Variants in HECTD4 observed in about 807,000 individuals in gnomAD.
HECTD4 encodes HECT domain E3 ubiquitin protein ligase 4, also known as probable E3 ubiquitin-protein ligase HECTD4.
Under a neutral mutation model 471.5 loss-of-function variants are expected in HECTD4, and 114 were observed. The observed-to-expected ratio is 0.24, with a 90% CI of 0.21 to 0.28. The LOEUF (loss-of-function observed/expected upper bound fraction) is 0.28, where lower values mean the gene tolerates loss of function less well. HECTD4 is among the 10% of genes least tolerant of loss of function. HECTD4 has a pLI of 1.00. For synonymous variants in HECTD4, 2,012 were observed against 2,256.0 expected, an observed-to-expected ratio of 0.89 and a Z score of 3.07; for missense variants, 3,866 against 5,651.5, an observed-to-expected ratio of 0.68 and a Z score of 10.13.
chr12:112,295,212 T>C (rs2034981400), intron 7 of HECTD4, among the ~76,000 whole-genome samples: 1 of 151,100 alleles, frequency 6.6e-6, no homozygotes, highest in African/African-American at 2.4e-5. Context: ...AGACGGTCAA[T>C]AAATAAGCAA....
rs1459312842 is a variant in HECTD4, at chr12:112,162,312, C to T, written c.*75G>A. The T allele has an allele frequency of 1.7e-5, 26 of 1,571,388 alleles. No homozygotes were observed. The highest frequency in any genetic ancestry group is 5.0e-5 in the Admixed American group (3 of 59,554). Reference sequence around the variant, plus strand: ...CTCCTCACGCAGGGCCCTGGAGGGACGGGCCGCAGTGGTGGCTTCCCAAGC... The same window carrying T: ...CTCCTCACGCAGGGCCCTGGAGGGATGGGCCGCAGTGGTGGCTTCCCAAGC... On this transcript the variant is annotated 3_prime_UTR_variant, in exon 76 of 76. Coordinates refer to ENST00000682272, the MANE Select transcript of HECTD4 (RefSeq NM_001388303.1). This position sits in a 1 kb window ranked among gnomAD's most constrained non-coding sequence, Gnocchi z 5.2.
chr12:112,322,376 AG>A (rs2035603344), intron 1 of HECTD4: 1 of 152,622 alleles, frequency 6.6e-6, no homozygotes, highest in Admixed American at 6.5e-5. Context: ...GTCTCAAAAA[AG>A]AAAAAAAAAA....
intron 65 of HECTD4, 50 bp downstream of exon 65, chr12:112,176,546 C>T (rs1369726780): frequency 7.5e-7 from 1 of 1,327,506 alleles, no homozygotes; most frequent in African/African-American, 1.4e-5. Flanking sequence ...GCCTAGTCTC[C>T]AGGATGGAAG....
rs2030726241 is a variant in HECTD4, at chr12:112,162,454, G to C, written c.13190C>G (p.Ser4397Cys). The C allele has an allele frequency of 1.8e-5, 29 of 1,613,928 alleles. No homozygotes were observed. The highest frequency in any genetic ancestry group is 2.3e-5 in the Non-Finnish European group (27 of 1,179,896). The change falls in exon 76 of 76, where the codon TCT becomes TGT. Residue 4397 changes from serine (S) to cysteine (C), a missense_variant. By Grantham distance (112) the Ser-to-Cys change is moderately radical. This residue lies in a region of HECTD4 where 715 missense variants were observed against 1,087.6 expected (regional missense o/e 0.66). Coordinates refer to ENST00000682272, the MANE Select transcript of HECTD4 (RefSeq NM_001388303.1). The surrounding 1 kb of genome is among the most constrained non-coding windows in gnomAD (Gnocchi z 5.2). ...AAGTTTCTCCAGCATGATTTCCAGA[G>C]AGGAGTACTGGGGAAGCTTGATCAT... ...MFMIKLPQYSSLEIMLEKLRC... is the reference protein window; with the variant it reads ...MFMIKLPQYSCLEIMLEKLRC...
At chr12:112,317,807 C>T (rs375881164) in intron 2 of HECTD4, among the ~76,000 whole-genome samples, 5 of 151,872 alleles carry the variant, frequency 3.3e-5, no homozygotes, top group Non-Finnish European at 7.4e-5. Context: ...GGGGAAACCC[C>T]GTCTCTACCA....
In HECTD4 at chr12:112,185,008, C is replaced by T; in HGVS notation, c.9958G>A (p.Glu3320Lys). The T allele has an allele frequency of 6.2e-7, 1 of 1,607,938 alleles. No individual in the cohort carries two copies. The highest frequency in any genetic ancestry group is 8.5e-7 in the Non-Finnish European group (1 of 1,177,252). ...SKRKKVKMKR[E>K]KASSSGKRQS... ...CGCTTGCCCGACGAGGAGGCCTTTT[C>T]CCGCTTCATCTTGACTTTTTTCCTC... Residue 3320 changes from glutamate (E) to lysine (K), a missense_variant, in exon 61 of 76, where the codon GAA (glutamate) becomes AAA (lysine). By Grantham distance (56) the Glu-to-Lys change is moderately conservative. Around this residue, in one of 16 missense-constraint regions of HECTD4, gnomAD observed 57 missense variants for 49.8 expected, o/e 1.14. Coordinates refer to ENST00000682272, the MANE Select transcript of HECTD4 (RefSeq NM_001388303.1).
chr12:112,371,979 A>T (rs2036685180), intron 1 of HECTD4, among the ~76,000 whole-genome samples: 1 of 152,078 alleles, frequency 6.6e-6, no homozygotes, highest in African/African-American at 2.4e-5. Context: ...CTATAGAAAA[A>T]ATTATGTTGA....
rs1593949532 is a variant in HECTD4 at position 112,224,571 on chromosome 12, A to G, written c.6970+2072T>C. ...ATGAGCCACCGCGCCCGGCCCAAGG[A>G]TTCTTCAACTTTACATAGGATACTA... is the stretch of plus-strand genomic sequence containing the variant. On this transcript the variant is annotated intron_variant, in intron 44 of 75. Transcript: ENST00000682272. Among the ~76,000 whole-genome samples, 9 of 152,214 alleles carry G rather than the reference A, an allele frequency of 5.9e-5. No individual in the cohort carries two copies. The South Asian group carries it at 1.9e-3, about 32-fold the overall frequency.
chr12:112,210,249 T>C lies in HECTD4; in HGVS notation c.7633A>G (p.Thr2545Ala), dbSNP rs777778028. ...GAGCCAAAGTTAGCTCGGGTTTTGG[T>C]GTTCTGGAAAGGAGACCAAATGAAG... ...WPVVHIQKKN[T>A]KTRANFGSRP... Residue 2545 changes from threonine to alanine, a missense_variant, in exon 50 of 76, where the codon ACC becomes GCC. Thr to Ala is a moderately conservative substitution (Grantham distance 58). Around this residue, in one of 16 missense-constraint regions of HECTD4, gnomAD observed 617 missense variants for 915.1 expected, o/e 0.67. Coordinates refer to ENST00000682272, the MANE Select transcript of HECTD4 (RefSeq NM_001388303.1). 5 of 1,613,484 alleles carry C rather than the reference T, an allele frequency of 3.1e-6. No homozygotes were observed. The highest frequency in any genetic ancestry group is 4.2e-6 in the Non-Finnish European group (5 of 1,179,452).
intron 29 of HECTD4, 28 bp downstream of exon 29, chr12:112,246,873 C>T (rs1482916648): frequency 6.3e-7 from 1 of 1,590,792 alleles, no homozygotes; most frequent in Admixed American, 1.8e-5. Flanking sequence ...ATAACAGAAG[C>T]CGATTAGGGG....
chr12:112,281,293 A>T lies in HECTD4; in HGVS notation c.1528+1817T>A, dbSNP rs543209837. ...TTTTTTAAAAAAAAAAAGTACAATGAGACCACATGTTTAGAATACAGATAC... is the reference window on the plus strand; with the variant it reads ...TTTTTTAAAAAAAAAAAGTACAATGTGACCACATGTTTAGAATACAGATAC... On this transcript the variant is annotated intron_variant, in intron 8 of 75. Transcript: ENST00000682272. Among the ~76,000 whole-genome samples, 30 of 152,248 alleles carry T rather than the reference A, an allele frequency of 2.0e-4. No individual in the cohort carries two copies. In the South Asian group the frequency reaches 6.2e-3, roughly 32 times the overall value.
In HECTD4 at chr12:112,228,430, G is replaced by C. The variant is rs2033295937; in HGVS notation, c.6685-172C>G. ...AAACAATTAAAAATACATTGTAGAA[G>C]AGCCCTAACCAACAAAGAAATGAAT... On this transcript the variant is annotated intron_variant, in intron 42 of 75. Transcript: ENST00000682272. The surrounding 1 kb of genome is among the most constrained non-coding windows in gnomAD (Gnocchi z 4.9). Among the ~76,000 whole-genome samples, 2 of 152,084 alleles carry C rather than the reference G, an allele frequency of 1.3e-5. No homozygotes were observed. The highest frequency in any genetic ancestry group is 2.9e-5 in the Non-Finnish European group (2 of 68,002).
At chr12:112,290,541 T>G (rs1250965924) in intron 7 of HECTD4, among the ~76,000 whole-genome samples, 1 of 151,106 alleles carries the variant, frequency 6.6e-6, no homozygotes, top group Non-Finnish European at 1.5e-5. Flanking sequence ...ATAATAATAA[T>G]AAATAAAATA....
At chr12:112,262,133 G>A (rs2034158233) in intron 17 of HECTD4, 1 of 152,088 alleles carries the variant, frequency 6.6e-6, no homozygotes, top group Non-Finnish European at 1.5e-5. Flanking sequence ...ACTCTTTGGG[G>A]GACATGTTTC....
chr12:112,189,025 C>T (rs945664081), intron 60 of HECTD4, among the ~76,000 whole-genome samples: 3 of 152,208 alleles, frequency 2.0e-5, no homozygotes, highest in Non-Finnish European at 4.4e-5. Flanking sequence ...CCCCCCTATC[C>T]ACTCCCTGGG....
rs1566083810 is a variant in HECTD4 at position 112,239,894 on chromosome 12, T to C, written c.5092A>G (p.Ile1698Val). The change falls in exon 33 of 76, where the codon ATA (isoleucine) becomes GTA (valine). Residue 1698 changes from isoleucine to valine, a missense_variant. Coordinates refer to ENST00000682272, the MANE Select transcript of HECTD4 (RefSeq NM_001388303.1). This position sits in a 1 kb window ranked among gnomAD's most constrained non-coding sequence, Gnocchi z 4.9. ...CANSIGLLCT[I>V]PYTRSEEKCL... is the part of the protein sequence containing the mutation. ...TTCCGTACTTACCTGGTGTAAGGTATGGTACATAAGAGTCCAATGCTATTT... is the reference window on the plus strand; with the variant it reads ...TTCCGTACTTACCTGGTGTAAGGTACGGTACATAAGAGTCCAATGCTATTT... The C allele has an allele frequency of 4.3e-6, 7 of 1,612,812 alleles. No individual in the cohort carries two copies. The highest frequency in any genetic ancestry group is 5.1e-6 in the Non-Finnish European group (6 of 1,179,126).
intron 8 of HECTD4, among the ~76,000 whole-genome samples, chr12:112,280,539 A>G (rs951851686): frequency 6.6e-6 from 1 of 151,740 alleles, no homozygotes; most frequent in African/African-American, 2.4e-5. Flanking sequence ...AATCTATCTG[A>G]TATTTGTTTT....
rs1221410235 is a variant in HECTD4, at chr12:112,263,722, T to TAC, written c.2748+361_2748+362insGT. On this transcript the variant is annotated intron_variant, in intron 17 of 75. Coordinates refer to ENST00000682272, the MANE Select transcript of HECTD4 (RefSeq NM_001388303.1). ...CCCAAGATTTTTATATATATATATA[T>TAC]ATACACACACACACACACACACACA... Among the ~76,000 whole-genome samples the TAC allele has an allele frequency of 7.2e-4, 107 of 148,186 alleles. 1 individual carries two copies. Among genetic ancestry groups the TAC allele is most frequent in the Non-Finnish European group, 9.5e-4 (64 of 67,370 alleles).
At chr12:112,225,924 A>G (rs895568021) in intron 44 of HECTD4, among the ~76,000 whole-genome samples, 1 of 152,188 alleles carries the variant, frequency 6.6e-6, no homozygotes, top group African/African-American at 2.4e-5. Context: ...TGCCATGCCC[A>G]GCTTAGATAC....
Sources: allele counts gnomAD v4.1 joint callset (sites outside exome capture counted in the v4.1 genomes callset), GRCh38; gene constraint gnomAD v4.1.1; regional missense constraint gnomAD v4.1.1; non-coding constraint Gnocchi (gnomAD v3.1); transcripts MANE v1.5; gene names NCBI Gene and HGNC (gene_info 2026-07-23, HGNC 2026-07-21).